Variants in NKAIN3 observed in about 807,000 individuals in gnomAD.
NKAIN3 encodes sodium/potassium transporting ATPase interacting 3.
Under a neutral mutation model 30.2 loss-of-function variants are expected in NKAIN3, and 25 were observed. The ratio of observed to expected loss-of-function variants is 0.83; its 90% CI spans 0.60 to 1.16. NKAIN3 has a LOEUF of 1.16. Ranked by LOEUF, NKAIN3 falls within the 50% of genes most tolerant of loss-of-function variation. NKAIN3 has a pLI of 0.00. For synonymous variants in NKAIN3, 91 were observed against 89.6 expected (o/e 1.02, Z -0.09); for missense variants, 225 against 254.1 (o/e 0.89, Z 0.78).
intron 1 of NKAIN3, among the ~76,000 whole-genome samples, chr8:62,464,696 G>A (rs763000751): frequency 2.6e-5 from 4 of 152,098 alleles, no homozygotes; most frequent in Non-Finnish European, 5.9e-5. Context: ...TTTTTGAAAA[G>A]CAAAATAGTT....
intron 1 of NKAIN3, among the ~76,000 whole-genome samples, chr8:62,530,929 A>G (rs189178402): frequency 1.3e-5 from 2 of 152,190 alleles, no homozygotes; most frequent in Non-Finnish European, 2.9e-5. Flanking sequence ...ATGGGCGTGA[A>G]CCACCGTGCC....
At position 62,964,811 on chromosome 8, in the gene NKAIN3, T is replaced by TAA. The variant is rs1563648138; in HGVS notation, c.604-543_604-542insAA. On this transcript the variant is annotated intron_variant, in intron 6 of 6. Transcript: ENST00000623646. ...TTAATCACTTTTCAAAATAAAAAATTTAAAAAAAAACACCTTTACAGCGAG... is the reference window on the plus strand; with the variant it reads ...TTAATCACTTTTCAAAATAAAAAATTAATAAAAAAAAACACCTTTACAGCGAG... 6.3e-5 allele frequency among the ~76,000 whole-genome samples: 9 copies of TAA among 143,444 alleles called. No individual in the cohort carries two copies. The East Asian group carries it at 6.5e-4, about 10-fold the overall frequency. The allele number at this position is 143,444 out of a possible 152,430, so 94.1% of individuals were successfully genotyped here. A position where few individuals can be genotyped will look rare whatever the true frequency, so the allele number is the denominator to read the frequency against.
intron 5 of NKAIN3, among the ~76,000 whole-genome samples, chr8:62,935,682 T>G (rs1193923136): frequency 1.3e-5 from 2 of 152,064 alleles, no homozygotes; most frequent in Non-Finnish European, 2.9e-5. Flanking sequence ...CTCACTAGAT[T>G]AAAACTAGAA....
chr8:62,316,428 C>A (rs980926369), intron 1 of NKAIN3, among the ~76,000 whole-genome samples: 2 of 151,202 alleles, frequency 1.3e-5, no homozygotes, highest in East Asian at 2.0e-4. Flanking sequence ...TATCCCCCCC[C>A]TCCTCCCACC....
intron 4 of NKAIN3, among the ~76,000 whole-genome samples, chr8:62,848,520 G>A (rs892755032): frequency 6.6e-6 from 1 of 152,112 alleles, no homozygotes; most frequent in Non-Finnish European, 1.5e-5. Context: ...CATTGATTTT[G>A]TATCCTATGA....
rs139030330 is a variant in NKAIN3 at position 62,967,012 on chromosome 8, T to C, written c.*1605T>C. Among the ~76,000 whole-genome samples the C allele has an allele frequency of 1.5e-4, 23 of 152,348 alleles. No individual in the cohort carries two copies. The South Asian group carries it at 1.9e-3, about 12-fold the overall frequency. ...AACCACAGTGAGCCATTTGGAGACC[T>C]AATTTACTCACTAGCCTCCAGATTT... On this transcript the variant is annotated 3_prime_UTR_variant, in exon 7 of 7. Transcript: ENST00000623646.
At chr8:62,451,378 TAG>T (rs1390548597) in intron 1 of NKAIN3, among the ~76,000 whole-genome samples, 1 of 151,022 alleles carries the variant, frequency 6.6e-6, no homozygotes, top group African/African-American at 2.4e-5. Context: ...CTTTCTCTTT[TAG>T]GTACTGCAAA....
At chr8:62,684,290 G>A (rs1206507890) in intron 3 of NKAIN3, among the ~76,000 whole-genome samples, 1 of 152,200 alleles carries the variant, frequency 6.6e-6, no homozygotes, top group African/African-American at 2.4e-5. Context: ...AGCTAGGGAA[G>A]AAGTGTCAAT....
At chr8:62,335,281 C>T (rs1341097425) in intron 1 of NKAIN3, among the ~76,000 whole-genome samples, 1 of 151,572 alleles carries the variant, frequency 6.6e-6, no homozygotes, top group African/African-American at 2.4e-5. Context: ...CAAAAATTAG[C>T]TGGGTGTGGT....
At chr8:62,994,924 A>G (rs552611133) in intron 5 of NKAIN3, among the ~76,000 whole-genome samples, 79 of 152,352 alleles carry the variant, frequency 5.2e-4, no homozygotes, top group Non-Finnish European at 9.7e-4. Flanking sequence ...AGCCTACATC[A>G]TTGGGGTGTT....
intron 1 of NKAIN3, among the ~76,000 whole-genome samples, chr8:62,291,810 T>C (rs1431753060): frequency 6.6e-6 from 1 of 152,202 alleles, no homozygotes; most frequent in African/African-American, 2.4e-5. Flanking sequence ...TCTGTCTCGT[T>C]GATCTGTCTA....
intron 1 of NKAIN3, among the ~76,000 whole-genome samples, chr8:62,329,655 G>A (rs1815273038): frequency 6.6e-6 from 1 of 152,090 alleles, no homozygotes; most frequent in Non-Finnish European, 1.5e-5. Flanking sequence ...CAGTGGTACT[G>A]CAAAGGGCAT....
chr8:62,971,738 C>T lies in NKAIN3; in HGVS notation c.*6331C>T, dbSNP rs2130914537. ...CAGTTCAAACTAATTGACATGATTT[C>T]TTGGAACAGTGTTTTCATTTGTAGT... On this transcript the variant is annotated 3_prime_UTR_variant, in exon 7 of 7. Transcript: ENST00000623646. 6.6e-6 allele frequency among the ~76,000 whole-genome samples: 1 copy of T among 152,240 alleles called. No homozygotes were observed. Among genetic ancestry groups the T allele is most frequent in the Admixed American group, 6.5e-5 (1 of 15,272 alleles).
chr8:62,361,946 T>G (rs1243962455), intron 1 of NKAIN3, among the ~76,000 whole-genome samples: 1 of 152,182 alleles, frequency 6.6e-6, no homozygotes, highest in Non-Finnish European at 1.5e-5. Flanking sequence ...TCCACATCTT[T>G]TCCTCCAGGA....
chr8:62,559,587 C>T (rs572427735), intron 1 of NKAIN3, among the ~76,000 whole-genome samples: 1 of 151,960 alleles, frequency 6.6e-6, no homozygotes, highest in African/African-American at 2.4e-5. Context: ...CCATGCATAG[C>T]TTTTTTAGTG....
intron 1 of NKAIN3, among the ~76,000 whole-genome samples, chr8:62,286,426 A>C (rs1329729841): frequency 6.6e-6 from 1 of 152,140 alleles, no homozygotes; most frequent in Non-Finnish European, 1.5e-5. Flanking sequence ...GCCCACTCTC[A>C]AAGCTAGAAG....
At chr8:62,337,533 G>A (rs1051093769) in intron 1 of NKAIN3, among the ~76,000 whole-genome samples, 3 of 150,758 alleles carry the variant, frequency 2.0e-5, no homozygotes, top group Non-Finnish European at 3.0e-5. Flanking sequence ...ACAAGTAGTT[G>A]CTAGCCCTTG....
chr8:62,864,292 C>A, intron 4 of NKAIN3: 1 of 1,299,898 alleles, frequency 7.7e-7, no homozygotes, highest in Non-Finnish European at 1.1e-6. Flanking sequence ...AGCTGAGGAC[C>A]AGGAAGAGAA....
chr8:62,504,223 C>A (rs1211989268), intron 1 of NKAIN3, among the ~76,000 whole-genome samples: 1 of 152,046 alleles, frequency 6.6e-6, no homozygotes, highest in Non-Finnish European at 1.5e-5. Flanking sequence ...CTGAAACTGT[C>A]CCCCCACCAC....
Sources: allele counts gnomAD v4.1 joint callset (sites outside exome capture counted in the v4.1 genomes callset), GRCh38; gene constraint gnomAD v4.1.1; transcripts MANE v1.5; gene names NCBI Gene and HGNC (gene_info 2026-07-23, HGNC 2026-07-21).